The following GABBR2 variants were observed in gnomAD, a reference collection of about 807,000 sequenced individuals.
GABBR2 encodes the protein G-protein coupled receptor 51.
Under a neutral mutation model 105.6 loss-of-function variants are expected in GABBR2, and 23 were observed. That is an observed-to-expected ratio of 0.22 (90% CI 0.16 to 0.31). The LOEUF (loss-of-function observed/expected upper bound fraction) is 0.31. GABBR2 is among the 10% of genes least tolerant of loss of function. GABBR2 has a pLI of 1.00. For missense variants in GABBR2, 734 were observed against 1,245.5 expected, an observed-to-expected ratio of 0.59 and a Z score of 6.18; for synonymous variants, 478 against 499.7, an observed-to-expected ratio of 0.96 and a Z score of 0.58.
intron 2 of GABBR2, among the ~76,000 whole-genome samples, chr9:98,543,156 GC>G: frequency 6.6e-6 from 1 of 151,862 alleles, no homozygotes; most frequent in East Asian, 1.9e-4. Context: ...GTTCCTGAAG[GC>G]CCAACCTAAA....
At chr9:98,485,771 A>C (rs576012929) in intron 4 of GABBR2, among the ~76,000 whole-genome samples, 2 of 152,314 alleles carry the variant, frequency 1.3e-5, no homozygotes, top group African/African-American at 2.4e-5. Flanking sequence ...TCCCAGGTGC[A>C]GTCCCCTCCT....
rs188547135 is a variant in GABBR2 at position 98,356,558 on chromosome 9, C to T, written c.1893+6157G>A. Among the ~76,000 whole-genome samples, 6 of 152,276 alleles carry T rather than the reference C, an allele frequency of 3.9e-5. No individual in the cohort carries two copies. The East Asian group carries it at 5.8e-4, about 15-fold the overall frequency. Reference sequence around the variant, plus strand: ...GCAACAGGAACTCCCATTCATTGCTCGTGGGTTTGCAAAACGGTATAGTCA... The same window carrying T: ...GCAACAGGAACTCCCATTCATTGCTTGTGGGTTTGCAAAACGGTATAGTCA... On this transcript the variant is annotated intron_variant, in intron 13 of 18. Transcript: ENST00000259455.
intron 1 of GABBR2, 129 bp from the exon 2 acceptor site, chr9:98,578,201 C>A: frequency 1.0e-6 from 1 of 988,254 alleles, no homozygotes; most frequent in East Asian, 2.5e-5. Context: ...TGGGGAGTCT[C>A]CTTAAGCCAG....
rs113020513 is a variant in GABBR2, at chr9:98,290,261, G to GTTTTTTTTTTTTTTTTTTT, written c.*322_*323insAAAAAAAAAAAAAAAAAAA. ...GTTCTAGTGCCTCTCTCCTTGTCTAGTTTTTTTGTTTTTTTTTTTTTTTTT... is the reference window on the plus strand; with the variant it reads ...GTTCTAGTGCCTCTCTCCTTGTCTAGTTTTTTTTTTTTTTTTTTTTTTTTTTGTTTTTTTTTTTTTTTTT... On this transcript the variant is annotated 3_prime_UTR_variant, in exon 19 of 19. Coordinates refer to ENST00000259455, the MANE Select transcript of GABBR2 (RefSeq NM_005458.8). 1 of 122,366 alleles carries GTTTTTTTTTTTTTTTTTTT rather than the reference G, an allele frequency of 8.2e-6. No homozygotes were observed. Among genetic ancestry groups the GTTTTTTTTTTTTTTTTTTT allele is most frequent in the African/African-American group, 2.9e-5 (1 of 35,070 alleles). 7.6% of individuals were successfully genotyped at this position (122,366 alleles called of 1,614,324 possible). A position where few individuals can be genotyped will look rare whatever the true frequency, so the allele number is the denominator to read the frequency against.
At chr9:98,381,730 A>G (rs1298654512) in intron 11 of GABBR2, among the ~76,000 whole-genome samples, 2 of 152,214 alleles carry the variant, frequency 1.3e-5, no homozygotes, top group Non-Finnish European at 2.9e-5. Context: ...GGCAGCAAGA[A>G]CTGGGCCCTA....
chr9:98,412,106 T>C, intron 7 of GABBR2, among the ~76,000 whole-genome samples: 1 of 152,254 alleles, frequency 6.6e-6, no homozygotes. Flanking sequence ...TCTTTTTTCC[T>C]TCTTAAATTT....
intron 1 of GABBR2, among the ~76,000 whole-genome samples, chr9:98,624,426 C>T (rs568444391): frequency 6.6e-6 from 1 of 152,102 alleles, no homozygotes; most frequent in South Asian, 2.1e-4. Flanking sequence ...TATATTTTGG[C>T]CAGAACTGTG....
chr9:98,671,117 T>C (rs572072429), intron 1 of GABBR2, among the ~76,000 whole-genome samples: 2 of 152,130 alleles, frequency 1.3e-5, no homozygotes, highest in East Asian at 1.9e-4. Context: ...AACAGGAAAA[T>C]AATCCCATAC....
At position 98,385,688 on chromosome 9, in the gene GABBR2, G is replaced by C; in HGVS notation, c.1614C>G (p.Gly538=). The C allele has an allele frequency of 1.9e-6, 3 of 1,612,056 alleles. No individual in the cohort carries two copies. The highest frequency in any genetic ancestry group is 2.5e-6 in the Non-Finnish European group (3 of 1,178,144). ...MLSYASIFLF[G]LDGSFVSEKT... is the part of the protein sequence containing the mutation. ...TTTCAGAGACAAAGGATCCATCAAG[G>C]CCAAAGAGAAATATGGAAGCATAGG... Residue 538 remains glycine (G), a synonymous_variant, in exon 11 of 19, where the codon GGC becomes GGG. Coordinates refer to ENST00000259455, the MANE Select transcript of GABBR2 (RefSeq NM_005458.8).
At position 98,306,552 on chromosome 9, in the gene GABBR2, C is replaced by T. The variant is rs1830553755; in HGVS notation, c.2005-207G>A. 1.7e-6 allele frequency: 1 copy of T among 595,630 alleles called. No individual in the cohort carries two copies. The highest frequency in any genetic ancestry group is 3.0e-6 in the Non-Finnish European group (1 of 332,836). 36.9% of individuals were successfully genotyped at this position (595,630 alleles called of 1,614,324 possible). On this transcript the variant is annotated intron_variant, in intron 14 of 18. Transcript: ENST00000259455. The surrounding 1 kb of genome is among the most constrained non-coding windows in gnomAD (Gnocchi z 5.4). ...CTGAGTCCTGCTGAGCAAATGCAGA[C>T]TGGGGATGTGACAGCTGTCCAGTTC... is the stretch of plus-strand genomic sequence containing the variant.
chr9:98,680,805 C>T (rs538457356), intron 1 of GABBR2, among the ~76,000 whole-genome samples: 1 of 152,102 alleles, frequency 6.6e-6, no homozygotes, highest in Non-Finnish European at 1.5e-5. Flanking sequence ...ATCAGACATA[C>T]CTATGGAATA....
chr9:98,380,724 GA>G (rs779569047), intron 11 of GABBR2, among the ~76,000 whole-genome samples: 30 of 152,344 alleles, frequency 2.0e-4, no homozygotes, highest in East Asian at 5.8e-4. Flanking sequence ...GGGAGTGGGG[GA>G]TGGGAACTAA....
intron 8 of GABBR2, among the ~76,000 whole-genome samples, chr9:98,397,078 A>C (rs967352164): frequency 6.6e-6 from 1 of 152,202 alleles, no homozygotes; most frequent in African/African-American, 2.4e-5. Flanking sequence ...GGGCAACTGA[A>C]CATGGGTCTC....
intron 1 of GABBR2, among the ~76,000 whole-genome samples, chr9:98,617,425 G>A (rs1347764780): frequency 2.0e-5 from 3 of 152,176 alleles, no homozygotes; most frequent in Non-Finnish European, 4.4e-5. Flanking sequence ...TGGGAGAGCA[G>A]GGACACTGAA....
intron 3 of GABBR2, among the ~76,000 whole-genome samples, chr9:98,532,366 C>T (rs1828083099): frequency 6.6e-6 from 1 of 152,212 alleles, no homozygotes; most frequent in African/African-American, 2.4e-5. Flanking sequence ...GCCAAGTCAC[C>T]TAAAAGCATT....
chr9:98,448,741 T>A (rs1361994470), intron 7 of GABBR2, among the ~76,000 whole-genome samples: 1 of 152,172 alleles, frequency 6.6e-6, no homozygotes, highest in East Asian at 1.9e-4. Flanking sequence ...TAGCCTGTCA[T>A]AGGCACCACA....
chr9:98,415,642 A>C (rs1173232155), intron 7 of GABBR2, among the ~76,000 whole-genome samples: 1 of 152,198 alleles, frequency 6.6e-6, no homozygotes, highest in Non-Finnish European at 1.5e-5. Flanking sequence ...GCGTTATTTA[A>C]GATTTTTTTC....
intron 1 of GABBR2, among the ~76,000 whole-genome samples, chr9:98,684,007 C>CAAAAAAA (rs367642589): frequency 4.7e-5 from 5 of 105,920 alleles, no homozygotes; most frequent in Admixed American, 2.1e-4. Flanking sequence ...GACTCCATCT[C>CAAAAAAA]AAAAAAAAAA....
At chr9:98,658,082 A>G (rs1353617071) in intron 1 of GABBR2, among the ~76,000 whole-genome samples, 5 of 152,222 alleles carry the variant, frequency 3.3e-5, no homozygotes. Context: ...AATACTTTAC[A>G]TATATTCCTT....
Sources: allele counts gnomAD v4.1 joint callset (sites outside exome capture counted in the v4.1 genomes callset), GRCh38; gene constraint gnomAD v4.1.1; non-coding constraint Gnocchi (gnomAD v3.1); transcripts MANE v1.5; gene names NCBI Gene and HGNC (gene_info 2026-07-23, HGNC 2026-07-21).